SUMF1: variants seen among roughly 807,000 people sequenced by gnomAD.
The protein encoded by SUMF1 is formylglycine-generating enzyme.
In SUMF1, 48 loss-of-function variants were observed where a neutral mutation model predicts 47.6. The ratio of observed to expected loss-of-function variants is 1.01; its 90% CI spans 0.80 to 1.28. The LOEUF (loss-of-function observed/expected upper bound fraction) is 1.28, where lower values mean the gene tolerates loss of function less well. Ranked by LOEUF, SUMF1 falls within the 50% of genes most tolerant of loss-of-function variation. The pLI is 0.00. For missense variants in SUMF1, 571 were observed against 485.4 expected (o/e 1.18, Z -1.66); for synonymous variants, 230 against 192.1 (o/e 1.20, Z -1.63).
rs754514393 is a variant in SUMF1, at chr3:4,362,286, A to G, written c.1015-32T>C. The G allele has an allele frequency of 6.9e-6, 11 of 1,583,190 alleles. No individual in the cohort carries two copies. The Admixed American group carries it at 1.8e-4, about 26-fold the overall frequency. ...AGAGAGAAAGAGCAAGGTAAGTGCT[A>G]CTGGGACTCTCAGCTGAAGGCTCTA... On this transcript the variant is annotated intron_variant, in intron 8 of 8. Coordinates refer to ENST00000272902, the MANE Select transcript of SUMF1 (RefSeq NM_182760.4).
chr3:4,156,995 G>A (rs1011961881), intron 8 of SUMF1, among the ~76,000 whole-genome samples: 1 of 151,568 alleles, frequency 6.6e-6, no homozygotes, highest in Admixed American at 6.5e-5. Context: ...GATCCAGAGA[G>A]AAGACTTGGA....
chr3:4,116,597 C>G (rs1012286927), intron 8 of SUMF1, among the ~76,000 whole-genome samples: 2 of 152,096 alleles, frequency 1.3e-5, no homozygotes, highest in Admixed American at 6.5e-5. Flanking sequence ...AAGTCAAATT[C>G]ATTTACACTT....
rs570632936 is a variant in SUMF1 at position 4,445,485 on chromosome 3, A to C, written c.519+3781T>G. ...CCTAAGTAGCTAGGACTATGAACAC[A>C]TGCTACCATACCTGGCTAATTTTTT... is the stretch of plus-strand genomic sequence containing the variant. On this transcript the variant is annotated intron_variant, in intron 3 of 8. Coordinates refer to ENST00000272902, the MANE Select transcript of SUMF1 (RefSeq NM_182760.4). 6.6e-5 allele frequency among the ~76,000 whole-genome samples: 10 copies of C among 152,168 alleles called. No homozygotes were observed. The South Asian group carries it at 1.9e-3, about 28-fold the overall frequency.
intron 8 of SUMF1, among the ~76,000 whole-genome samples, chr3:4,349,255 A>G (rs1193037075): frequency 1.3e-5 from 2 of 152,248 alleles, no homozygotes; most frequent in Non-Finnish European, 2.9e-5. Context: ...AAAGCTCAAC[A>G]TCACTGATCA....
chr3:4,372,998 A>T (rs1370201334), intron 8 of SUMF1, among the ~76,000 whole-genome samples: 1 of 152,206 alleles, frequency 6.6e-6, no homozygotes, highest in Non-Finnish European at 1.5e-5. Context: ...CAGTTCTGTC[A>T]ATCTGCTATT....
chr3:4,076,724 G>A (rs561154858), intron 8 of SUMF1, among the ~76,000 whole-genome samples: 2 of 152,178 alleles, frequency 1.3e-5, no homozygotes. Context: ...CACTGGCCGG[G>A]CGTGGTGGCT....
At chr3:4,442,796 C>G (rs1306815073) in intron 3 of SUMF1, among the ~76,000 whole-genome samples, 1 of 151,976 alleles carries the variant, frequency 6.6e-6, no homozygotes, top group Non-Finnish European at 1.5e-5. Context: ...TGAACCATGT[C>G]TCTTTCTAAA....
rs148278473 is a variant in SUMF1, at chr3:4,286,801, T to G, written c.1014+89529A>C. On this transcript the variant is annotated intron_variant and NMD_transcript_variant, in intron 8 of 12. Coordinates refer to the SUMF1 transcript ENST00000448413. ...CACCTAACGTACACTTGTAAAACTA[T>G]GTACTATAGATAAAAATTATGAAGC... Among the ~76,000 whole-genome samples, 379 of 152,294 alleles carry G rather than the reference T, an allele frequency of 2.5e-3. 3 individuals carry two copies. Among genetic ancestry groups the G allele is most frequent in the African/African-American group, 8.5e-3 (354 of 41,578 alleles).
At chr3:4,344,607 G>T (rs187604036) in intron 8 of SUMF1, among the ~76,000 whole-genome samples, 1 of 152,162 alleles carries the variant, frequency 6.6e-6, no homozygotes, top group East Asian at 1.9e-4. Flanking sequence ...AATCCAAAAG[G>T]CCAGAGTGCT....
chr3:4,253,370 A>T (rs1345057096), intron 8 of SUMF1, among the ~76,000 whole-genome samples: 1 of 152,188 alleles, frequency 6.6e-6, no homozygotes, highest in Non-Finnish European at 1.5e-5. Flanking sequence ...CTCACTAGGG[A>T]GTGCCAGACA....
chr3:4,443,956 G>C (rs1462254138), intron 3 of SUMF1, among the ~76,000 whole-genome samples: 3 of 151,984 alleles, frequency 2.0e-5, no homozygotes, highest in Non-Finnish European at 4.4e-5. Flanking sequence ...TGTGAAACTA[G>C]ATATTGAAAG....
intron 9 of SUMF1, among the ~76,000 whole-genome samples, chr3:4,043,994 T>C (rs1694961627): frequency 6.6e-6 from 1 of 152,218 alleles, no homozygotes; most frequent in East Asian, 1.9e-4. Context: ...AATAATTCAG[T>C]GGCCCAATAC....
At chr3:4,295,763 C>T (rs1697837994) in intron 8 of SUMF1, among the ~76,000 whole-genome samples, 4 of 152,206 alleles carry the variant, frequency 2.6e-5, no homozygotes. Context: ...CATTTGACTT[C>T]ATAACATTTT....
At chr3:4,133,747 G>C (rs1229321679) in intron 8 of SUMF1, among the ~76,000 whole-genome samples, 1 of 152,074 alleles carries the variant, frequency 6.6e-6, no homozygotes, top group Admixed American at 6.6e-5. Flanking sequence ...TCAGCCTCCA[G>C]ATGGCCTATT....
At chr3:4,228,595 G>A (rs1245386705) in intron 8 of SUMF1, among the ~76,000 whole-genome samples, 1 of 152,108 alleles carries the variant, frequency 6.6e-6, no homozygotes, top group Non-Finnish European at 1.5e-5. Context: ...GATGTATGGG[G>A]AATTTAAGGG....
At chr3:4,050,682 G>A (rs1055055047) in intron 9 of SUMF1, among the ~76,000 whole-genome samples, 6 of 146,532 alleles carry the variant, frequency 4.1e-5, no homozygotes. Context: ...GGTGGAGGCT[G>A]CAGTGAGCCG....
intron 9 of SUMF1, among the ~76,000 whole-genome samples, chr3:4,066,524 C>T (rs754496286): frequency 2.6e-5 from 4 of 152,122 alleles, no homozygotes; most frequent in Non-Finnish European, 5.9e-5. Context: ...AATCGACCCT[C>T]AGGCTTCCCA....
At chr3:4,334,307 T>G (rs992308330) in intron 8 of SUMF1, among the ~76,000 whole-genome samples, 2 of 152,208 alleles carry the variant, frequency 1.3e-5, no homozygotes, top group Admixed American at 6.5e-5. Context: ...AACGGTTGAT[T>G]TTTTTGCTTT....
At chr3:4,415,061 TACTA>T (rs1701665085) in intron 6 of SUMF1, 1 of 152,136 alleles carries the variant, frequency 6.6e-6, no homozygotes, top group Admixed American at 6.5e-5. Flanking sequence ...ATCCTGTCTC[TACTA>T]AAAATACAAA....
Sources: gnomAD v4.1 joint callset for allele counts (sites outside exome capture counted in the v4.1 genomes callset) on GRCh38, gnomAD v4.1.1 for gene constraint, MANE v1.5 for transcripts, NCBI Gene and HGNC (gene_info 2026-07-23, HGNC 2026-07-21) for gene names.